Variants in SCN2A observed in about 807,000 individuals in gnomAD.
SCN2A encodes the protein sodium channel protein type 2 subunit alpha.
In SCN2A, 20 loss-of-function variants were observed where a neutral mutation model predicts 188.7. The ratio of observed to expected loss-of-function variants is 0.11; its 90% CI spans 0.07 to 0.15. SCN2A has a LOEUF of 0.15. SCN2A is among the 10% of genes least tolerant of loss of function. The probability of loss-of-function intolerance (pLI) is 1.00; values close to 1 mark genes in which losing one functional copy is unlikely to be tolerated. For missense variants in SCN2A, 1,278 were observed against 2,445.0 expected (o/e 0.52, Z 10.07); for synonymous variants, 804 against 833.1 (o/e 0.97, Z 0.60).
intron 1 of SCN2A, among the ~76,000 whole-genome samples, chr2:165,279,399 T>C (rs1402181888): frequency 1.3e-5 from 2 of 150,156 alleles, no homozygotes; most frequent in East Asian, 3.9e-4. Flanking sequence ...CAGAAAATAA[T>C]TAATCTTTGG....
intron 3 of SCN2A, among the ~76,000 whole-genome samples, chr2:165,298,868 A>G (rs1247824469): frequency 6.6e-6 from 1 of 152,156 alleles, no homozygotes; most frequent in African/African-American, 2.4e-5. Context: ...CCTAGTAGAC[A>G]TTGGGAAAAT....
intron 14 of SCN2A, among the ~76,000 whole-genome samples, chr2:165,335,823 A>G (rs1413119965): frequency 6.6e-6 from 1 of 151,870 alleles, no homozygotes; most frequent in East Asian, 1.9e-4. Context: ...TAAAGAATGG[A>G]AGAAGACATT....
chr2:165,387,470 CAT>C (rs1161619552), intron 26 of SCN2A, among the ~76,000 whole-genome samples: 4 of 152,008 alleles, frequency 2.6e-5, no homozygotes, highest in African/African-American at 9.7e-5. Context: ...TATAATAACA[CAT>C]ATATAAGTTT....
At chr2:165,276,431 CAT>C (rs1265161442) in intron 1 of SCN2A, among the ~76,000 whole-genome samples, 1 of 152,130 alleles carries the variant, frequency 6.6e-6, no homozygotes, top group Non-Finnish European at 1.5e-5. Context: ...CATATTTTGA[CAT>C]GTTTTGCTGA....
Position 165,296,765 on chromosome 2 carries a change from A to G in SCN2A, c.268-252A>G, listed in dbSNP as rs73023741. On this transcript the variant is annotated intron_variant, in intron 2 of 26. Coordinates refer to ENST00000375437, the MANE Select transcript of SCN2A (RefSeq NM_001040142.2). ...TTTAAAATACTTACATTAAAACTTGATAAAGTTGCTAAGAATTCCTATGGC... is the reference window on the plus strand; with the variant it reads ...TTTAAAATACTTACATTAAAACTTGGTAAAGTTGCTAAGAATTCCTATGGC... 4,478 of 279,126 alleles carry G rather than the reference A, an allele frequency of 0.016. 212 individuals are homozygous for G. Among genetic ancestry groups the G allele is most frequent in the African/African-American group, 0.092 (4,160 of 45,284 alleles). The allele number at this position is 279,126 out of a possible 1,614,324, so 17.3% of individuals were successfully genotyped here. A position where few individuals can be genotyped will look rare whatever the true frequency, so the allele number is the denominator to read the frequency against.
Position 165,370,242 on chromosome 2 carries a change from T to C in SCN2A, c.3792T>C (p.Tyr1264=). ...ILEMLLKWVA[Y]GFQVYFTNAW... is the part of the protein sequence containing the mutation. ...AAATGCTGCTAAAGTGGGTTGCATA[T>C]GGTTTTCAAGTGTATTTTACCAATG... Residue 1264 remains tyrosine, a synonymous_variant, in exon 20 of 27, where the codon TAT becomes TAC. Coordinates refer to ENST00000375437, the MANE Select transcript of SCN2A (RefSeq NM_001040142.2). The C allele has an allele frequency of 2.5e-6, 4 of 1,614,152 alleles. No homozygotes were observed. In the East Asian group the frequency reaches 8.9e-5, roughly 36 times the overall value.
intron 14 of SCN2A, among the ~76,000 whole-genome samples, chr2:165,335,808 CAACTT>C (rs1176028493): frequency 6.6e-6 from 1 of 151,640 alleles, no homozygotes; most frequent in African/African-American, 2.4e-5. Flanking sequence ...AGTAAAAAGA[CAACTT>C]AAAGAATGGA....
intron 24 of SCN2A, 103 bp from the exon 25 acceptor site, chr2:165,380,990 C>A: frequency 1.2e-6 from 1 of 803,196 alleles, no homozygotes; most frequent in Middle Eastern, 3.6e-4. Flanking sequence ...ATATTAGTAA[C>A]AATAGAATGA....
chr2:165,375,588 A>G (rs1371698946), intron 22 of SCN2A, among the ~76,000 whole-genome samples: 1 of 151,906 alleles, frequency 6.6e-6, no homozygotes, highest in Non-Finnish European at 1.5e-5. Flanking sequence ...AATGTACAAG[A>G]CTTTTGTTTT....
At chr2:165,352,463 G>C (rs1470991133) in intron 16 of SCN2A, among the ~76,000 whole-genome samples, 1 of 152,136 alleles carries the variant, frequency 6.6e-6, no homozygotes, top group Non-Finnish European at 1.5e-5. Flanking sequence ...AGAAGCATGA[G>C]AATATAGCAA....
intron 14 of SCN2A, among the ~76,000 whole-genome samples, chr2:165,341,062 T>C (rs1204301998): frequency 6.6e-6 from 1 of 152,076 alleles, no homozygotes; most frequent in East Asian, 1.9e-4. Flanking sequence ...GGAGAGTTTC[T>C]CTTATGACAG....
intron 17 of SCN2A, among the ~76,000 whole-genome samples, chr2:165,362,617 G>T (rs1011260540): frequency 9.2e-5 from 14 of 152,012 alleles, no homozygotes; most frequent in Non-Finnish European, 8.8e-5. Context: ...CCTGTTCCTT[G>T]TATTGAACTA....
chr2:165,317,328 T>C (rs1010049066), intron 11 of SCN2A, among the ~76,000 whole-genome samples: 4 of 138,908 alleles, frequency 2.9e-5, no homozygotes, highest in Non-Finnish European at 4.6e-5. Flanking sequence ...ACAGTATTAG[T>C]CATTCTGAAA....
At chr2:165,351,389 G>T (rs1699909245) in intron 16 of SCN2A, among the ~76,000 whole-genome samples, 1 of 152,028 alleles carries the variant, frequency 6.6e-6, no homozygotes, top group Non-Finnish European at 1.5e-5. Context: ...GCATTGAATT[G>T]AGTTATCAAT....
intron 16 of SCN2A, among the ~76,000 whole-genome samples, chr2:165,353,936 A>G (rs1700056971): frequency 6.6e-6 from 1 of 152,168 alleles, no homozygotes; most frequent in South Asian, 2.1e-4. Flanking sequence ...AACTGAGCTT[A>G]ATAGAAATGT....
chr2:165,382,233 A>G (rs1457502681), intron 25 of SCN2A, among the ~76,000 whole-genome samples: 1 of 152,116 alleles, frequency 6.6e-6, no homozygotes, highest in Non-Finnish European at 1.5e-5. Context: ...TCCGAGTTAC[A>G]TGAGACAAGG....
At chr2:165,263,236 T>A (rs1275433009) in intron 1 of SCN2A, among the ~76,000 whole-genome samples, 2 of 152,172 alleles carry the variant, frequency 1.3e-5, no homozygotes, top group Non-Finnish European at 2.9e-5. Flanking sequence ...GTCAGAAGCT[T>A]TTTAGTTTAA....
At chr2:165,242,619 G>A (rs1693671810) in intron 1 of SCN2A, among the ~76,000 whole-genome samples, 1 of 152,160 alleles carries the variant, frequency 6.6e-6, no homozygotes. Flanking sequence ...GTTTGCCAGG[G>A]AAAGGTAGGA....
rs1259605476 is a variant in SCN2A at position 165,268,188 on chromosome 2, T to TA, written c.-51-27583dup. On this transcript the variant is annotated intron_variant, in intron 1 of 26. Transcript: ENST00000375437. ...AGGAATCCACCCTAAATCATTCTAT[T>TA]AAGTCAGTATCACCCAAATACCAAA... is the stretch of plus-strand genomic sequence containing the variant. 6 of 151,892 alleles carry TA rather than the reference T, an allele frequency of 4.0e-5. No homozygotes were observed. In the East Asian group the frequency reaches 9.6e-4, roughly 24 times the overall value. The allele number at this position is 151,892 out of a possible 1,614,324, so 9.4% of individuals were successfully genotyped here.
Sources: allele counts gnomAD v4.1 joint callset (sites outside exome capture counted in the v4.1 genomes callset), GRCh38; gene constraint gnomAD v4.1.1; transcripts MANE v1.5; gene names NCBI Gene and HGNC (gene_info 2026-07-23, HGNC 2026-07-21).